NAPB: variants seen among roughly 807,000 people sequenced by gnomAD.
NAPB encodes the protein NSF attachment protein beta.
Under a neutral mutation model 44.7 loss-of-function variants are expected in NAPB, and 26 were observed. That is an observed-to-expected ratio of 0.58 (90% CI 0.43 to 0.81). NAPB has a LOEUF of 0.81. NAPB is among the 30% of genes least tolerant of loss of function. NAPB has a pLI of 0.00. For synonymous variants in NAPB, 120 were observed against 116.8 expected (o/e 1.03, Z -0.18); for missense variants, 315 against 356.4 (o/e 0.88, Z 0.94).
Position 23,421,296 on chromosome 20 carries a change from G to A in NAPB, c.98+9C>T, listed in dbSNP as rs201749078. 10 of 1,551,470 alleles carry A rather than the reference G, an allele frequency of 6.4e-6. No homozygotes were observed. Among genetic ancestry groups the A allele is most frequent in the Non-Finnish European group, 8.7e-6 (10 of 1,146,872 alleles). Reference sequence around the variant, plus strand: ...CCCCCCCCCAGGGCACGCACGGTCTGGCGCTCACCCAAACAGCCCTCGGAG... The same window carrying A: ...CCCCCCCCCAGGGCACGCACGGTCTAGCGCTCACCCAAACAGCCCTCGGAG... On this transcript the variant is annotated intron_variant, in intron 1 of 10. Coordinates refer to ENST00000377026, the MANE Select transcript of NAPB (RefSeq NM_022080.3).
At chr20:23,399,056 G>A (rs1984622111) in intron 2 of NAPB, among the ~76,000 whole-genome samples, 2 of 151,854 alleles carry the variant, frequency 1.3e-5, no homozygotes, top group Admixed American at 1.3e-4. Context: ...CAGAGGAAAT[G>A]CACAGTTCTC....
At chr20:23,393,431 G>GT (rs1984120952) in intron 5 of NAPB, among the ~76,000 whole-genome samples, 1 of 152,202 alleles carries the variant, frequency 6.6e-6, no homozygotes, top group Non-Finnish European at 1.5e-5. Context: ...TCCAATTTCA[G>GT]TAACGCCTAG....
At chr20:23,392,255 A>AAGAAATATTTTCTTCCAG (rs11270749) in intron 5 of NAPB, among the ~76,000 whole-genome samples, 1 of 152,196 alleles carries the variant, frequency 6.6e-6, no homozygotes, top group Non-Finnish European at 1.5e-5. Flanking sequence ...AGGTGTTCCA[A>AAGAAATATTTTCTTCCAG]AGAAATATTT....
intron 7 of NAPB, among the ~76,000 whole-genome samples, chr20:23,388,992 A>C (rs1983735965): frequency 1.3e-5 from 2 of 152,130 alleles, no homozygotes; most frequent in South Asian, 4.1e-4. Context: ...AATACTTGCA[A>C]ATCACATATC....
At chr20:23,390,087 T>C (rs1251631428) in intron 6 of NAPB, 57 bp from the exon 7 acceptor site, 2 of 1,571,526 alleles carry the variant, frequency 1.3e-6, no homozygotes, top group Non-Finnish European at 1.8e-6. Flanking sequence ...ATAAAAGATG[T>C]GCACTGGGCC....
intron 7 of NAPB, among the ~76,000 whole-genome samples, chr20:23,383,092 T>C (rs1291611886): frequency 6.8e-6 from 1 of 146,024 alleles, no homozygotes; most frequent in African/African-American, 2.6e-5. Context: ...GAGGCAAAGG[T>C]TGCAGTGAGA....
intron 1 of NAPB, among the ~76,000 whole-genome samples, chr20:23,413,751 C>A (rs772524084): frequency 1.3e-5 from 2 of 151,948 alleles, no homozygotes; most frequent in South Asian, 4.2e-4. Context: ...TAGGAAAACA[C>A]AATTTACCAA....
At chr20:23,411,767 T>C (rs1380417951) in intron 1 of NAPB, among the ~76,000 whole-genome samples, 6 of 152,044 alleles carry the variant, frequency 3.9e-5, no homozygotes, top group Non-Finnish European at 5.9e-5. Flanking sequence ...TAAGGATATT[T>C]AAAAACATTT....
chr20:23,397,733 T>G (rs78743181), intron 2 of NAPB, among the ~76,000 whole-genome samples: 3,129 of 152,314 alleles, frequency 0.021, 112 homozygotes, highest in African/African-American at 0.071. Context: ...CCAAATTTTT[T>G]TCTTTACTTT....
At chr20:23,420,008 G>A (rs751472059) in intron 1 of NAPB, among the ~76,000 whole-genome samples, 2 of 148,238 alleles carry the variant, frequency 1.3e-5, no homozygotes, top group Non-Finnish European at 2.9e-5. Flanking sequence ...AACTGAATGT[G>A]TACAGAAATA....
intron 7 of NAPB, among the ~76,000 whole-genome samples, chr20:23,381,611 T>C (rs1479395950): frequency 1.1e-4 from 16 of 152,164 alleles, no homozygotes; most frequent in Admixed American, 9.2e-4. Context: ...CAGGTCATTT[T>C]CTAAAAAACA....
intron 7 of NAPB, 126 bp downstream of exon 7, chr20:23,389,819 TA>T: frequency 2.7e-6 from 2 of 746,960 alleles, no homozygotes; most frequent in Non-Finnish European, 4.5e-6. Context: ...GTGAACAGAC[TA>T]AAAACCGCTG....
At position 23,377,293 on chromosome 20, in the gene NAPB, T is replaced by G; in HGVS notation, c.*83A>C. ...CTCATATGCAACAAAATTAAGCCAT[T>G]AAATAGGCATCCCATAAAGATCACT... On this transcript the variant is annotated 3_prime_UTR_variant, in exon 11 of 11. Transcript: ENST00000377026. The G allele has an allele frequency of 1.2e-6, 1 of 815,190 alleles. No individual in the cohort carries two copies. The allele number at this position is 815,190 out of a possible 1,614,324, so 50.5% of individuals were successfully genotyped here.
intron 8 of NAPB, among the ~76,000 whole-genome samples, chr20:23,380,241 T>C (rs1193601633): frequency 2.0e-5 from 3 of 152,240 alleles, no homozygotes; most frequent in Non-Finnish European, 4.4e-5. Context: ...GAGACGTTCT[T>C]AATACAGTCC....
intron 5 of NAPB, among the ~76,000 whole-genome samples, chr20:23,393,222 G>C (rs977040052): frequency 6.6e-6 from 1 of 152,064 alleles, no homozygotes; most frequent in Non-Finnish European, 1.5e-5. Flanking sequence ...ACCTTCCAAA[G>C]AGAAGGCTCA....
chr20:23,389,006 T>C (rs890208651), intron 7 of NAPB, among the ~76,000 whole-genome samples: 2 of 152,012 alleles, frequency 1.3e-5, no homozygotes, highest in African/African-American at 4.8e-5. Flanking sequence ...ACATATCTAA[T>C]AGGGGATTAA....
intron 1 of NAPB, among the ~76,000 whole-genome samples, chr20:23,420,710 A>G (rs975566953): frequency 2.3e-4 from 35 of 152,224 alleles, no homozygotes; most frequent in African/African-American, 8.4e-4. Context: ...CGCGGGCCTC[A>G]GGGAGCCGCT....
intron 1 of NAPB, among the ~76,000 whole-genome samples, chr20:23,420,215 T>C (rs743023): frequency 0.25 from 37,858 of 151,960 alleles, 5,416 homozygotes; most frequent in Middle Eastern, 0.36. Context: ...TTTTGAGAGG[T>C]TGGAATTTAA....
chr20:23,393,959 G>T (rs1984161219), intron 5 of NAPB, among the ~76,000 whole-genome samples: 1 of 152,134 alleles, frequency 6.6e-6, no homozygotes, highest in Non-Finnish European at 1.5e-5. Flanking sequence ...ACAGCAAGGA[G>T]GCCAGGATGG....
Sources: gnomAD v4.1 joint callset for allele counts (sites outside exome capture counted in the v4.1 genomes callset) on GRCh38, gnomAD v4.1.1 for gene constraint, MANE v1.5 for transcripts, NCBI Gene and HGNC (gene_info 2026-07-23, HGNC 2026-07-21) for gene names.